CEP85L: variants seen among roughly 807,000 people sequenced by gnomAD.
The protein encoded by CEP85L is centrosomal protein 85L.
A neutral mutation model predicts 100.3 loss-of-function variants in CEP85L; 60 were observed. The ratio of observed to expected loss-of-function variants is 0.60; its 90% confidence interval spans 0.49 to 0.74. CEP85L has a LOEUF of 0.74. Among genes scored for constraint, CEP85L ranks in the 30% least tolerant of loss-of-function variants. CEP85L has a pLI of 0.00. For synonymous variants in CEP85L, 319 were observed against 322.7 expected (o/e 0.99, Z 0.12); for missense variants, 973 against 936.2 (o/e 1.04, Z -0.51).
At chr6:118,583,181 C>T (rs1182025696) in intron 2 of CEP85L, among the ~76,000 whole-genome samples, 1 of 152,188 alleles carries the variant, frequency 6.6e-6, no homozygotes, top group Non-Finnish European at 1.5e-5. Context: ...GATGGTCCAG[C>T]AGGACTGACG....
intron 3 of CEP85L, chr6:118,565,289 C>T (rs531063021): frequency 2.0e-6 from 1 of 508,032 alleles, no homozygotes; most frequent in South Asian, 2.8e-5. Context: ...GCCCATTTAA[C>T]AAATGAAAAG....
chr6:118,691,501 C>G (rs1448059213), intron 1 of CEP85L, among the ~76,000 whole-genome samples: 1 of 147,822 alleles, frequency 6.8e-6, no homozygotes, highest in East Asian at 2.0e-4. Context: ...GCATTGCACT[C>G]TAGCCTGGGC....
chr6:118,465,336 T>G lies in CEP85L; in HGVS notation c.*69A>C, dbSNP rs1302009887. 1 of 1,447,712 alleles carries G rather than the reference T, an allele frequency of 6.9e-7. No individual in the cohort carries two copies. The highest frequency in any genetic ancestry group is 9.3e-7 in the Non-Finnish European group (1 of 1,072,146). The allele number at this position is 1,447,712 out of a possible 1,614,324, so 89.7% of individuals were successfully genotyped here. ...GTGCAAGTCATGTCACTTGCAACCT[T>G]CCATTATGGCTCCATAACACAGCAG... is the stretch of plus-strand genomic sequence containing the variant. On this transcript the variant is annotated 3_prime_UTR_variant, in exon 13 of 13. Transcript: ENST00000368491.
chr6:118,559,427 T>C, intron 3 of CEP85L: 1 of 316,008 alleles, frequency 3.2e-6, no homozygotes, highest in South Asian at 3.3e-5. Context: ...ACTTCATATA[T>C]AAAGCATTAT....
intron 4 of CEP85L, among the ~76,000 whole-genome samples, chr6:118,513,152 G>A (rs1225684279): frequency 2.0e-5 from 3 of 151,876 alleles, no homozygotes; most frequent in Non-Finnish European, 2.9e-5. Context: ...AGAGAAAAAA[G>A]GACAAAGAAA....
At chr6:118,707,742 CAT>C (rs1164739585) in intron 1 of CEP85L, among the ~76,000 whole-genome samples, 5 of 151,994 alleles carry the variant, frequency 3.3e-5, no homozygotes, top group Non-Finnish European at 1.5e-5. Flanking sequence ...TATATTTAAA[CAT>C]GTGCAAACTT....
At chr6:118,480,989 CTTTCA>C (rs1347925082) in intron 8 of CEP85L, among the ~76,000 whole-genome samples, 4 of 151,658 alleles carry the variant, frequency 2.6e-5, no homozygotes, top group Admixed American at 6.6e-5. Context: ...TTGCATTTCT[CTTTCA>C]TTTCTTTTCT....
chr6:118,503,682 G>C (rs1775453035), intron 5 of CEP85L, among the ~76,000 whole-genome samples: 1 of 151,262 alleles, frequency 6.6e-6, no homozygotes. Context: ...GCAATACAGG[G>C]GAAAAAACAG....
rs1776677355 is a variant in CEP85L at position 118,681,964 on chromosome 6, T to C, written c.-28+28072A>G. 2.6e-5 allele frequency among the ~76,000 whole-genome samples: 4 copies of C among 152,230 alleles called. No individual in the cohort carries two copies. In the South Asian group the frequency reaches 8.3e-4, roughly 32 times the overall value. On this transcript the variant is annotated intron_variant, in intron 1 of 13. Coordinates refer to the CEP85L transcript ENST00000368488. ...CCATGTTGCCAGGCTGGTCTCAAACTCCTGACCTCAGGTGATCCACCTGCT... is the reference window on the plus strand; with the variant it reads ...CCATGTTGCCAGGCTGGTCTCAAACCCCTGACCTCAGGTGATCCACCTGCT...
In CEP85L at chr6:118,638,424, C is replaced by G. The variant is rs555060468; in HGVS notation, c.74-5813G>C. ...TCACAGTCTGAAAAGAATGACATGACTTGTCTTTAGACAAGTCAATCCAGA... is the reference window on the plus strand; with the variant it reads ...TCACAGTCTGAAAAGAATGACATGAGTTGTCTTTAGACAAGTCAATCCAGA... On this transcript the variant is annotated intron_variant, in intron 1 of 12. Transcript: ENST00000368491. Among the ~76,000 whole-genome samples, 5 of 151,920 alleles carry G rather than the reference C, an allele frequency of 3.3e-5. No homozygotes were observed. In the South Asian group the frequency reaches 1.0e-3, roughly 32 times the overall value.
At chr6:118,642,125 T>C (rs1774921961) in intron 1 of CEP85L, among the ~76,000 whole-genome samples, 1 of 152,226 alleles carries the variant, frequency 6.6e-6, no homozygotes, top group Non-Finnish European at 1.5e-5. Flanking sequence ...ATTTTTAAAG[T>C]ACATTTTAAA....
At chr6:118,602,466 A>C (rs761276939) in intron 2 of CEP85L, among the ~76,000 whole-genome samples, 1 of 152,160 alleles carries the variant, frequency 6.6e-6, no homozygotes, top group Non-Finnish European at 1.5e-5. Flanking sequence ...CCAGAATTAG[A>C]ATACTGATTC....
At chr6:118,658,434 G>A (rs1333315722) in intron 1 of CEP85L, among the ~76,000 whole-genome samples, 3 of 152,028 alleles carry the variant, frequency 2.0e-5, no homozygotes, top group Non-Finnish European at 4.4e-5. Context: ...ATATGGGAAG[G>A]CTTCTTTGTT....
chr6:118,514,441 C>T (rs1449776149), intron 4 of CEP85L, among the ~76,000 whole-genome samples: 1 of 148,230 alleles, frequency 6.7e-6, no homozygotes, highest in Non-Finnish European at 1.5e-5. Context: ...AGGAGAATGG[C>T]TTGAACCTGG....
At chr6:118,651,909 A>G, upstream of CEP85L, 1 of 985,578 alleles carries the variant, frequency 1.0e-6, no homozygotes, top group Non-Finnish European at 1.2e-6. Flanking sequence ...ACCTCTGTGA[A>G]GACACGTGGA....
At chr6:118,655,903 G>A (rs1192300079), upstream of CEP85L, among the ~76,000 whole-genome samples, 1 of 152,178 alleles carries the variant, frequency 6.6e-6, no homozygotes, top group Admixed American at 6.5e-5. Context: ...CCAAAGAGAA[G>A]TTAGGGAAGG....
At chr6:118,593,632 T>C (rs937106805) in intron 2 of CEP85L, among the ~76,000 whole-genome samples, 2 of 151,112 alleles carry the variant, frequency 1.3e-5, no homozygotes, top group African/African-American at 4.9e-5. Context: ...GGGAATACAA[T>C]TTGACATGAG....
chr6:118,516,230 T>C (rs1301477393), intron 4 of CEP85L, among the ~76,000 whole-genome samples: 1 of 152,226 alleles, frequency 6.6e-6, no homozygotes, highest in Non-Finnish European at 1.5e-5. Flanking sequence ...CATCTGTCTT[T>C]ATAGGAGAAT....
At chr6:118,598,147 T>G (rs546221784) in intron 2 of CEP85L, among the ~76,000 whole-genome samples, 1 of 152,344 alleles carries the variant, frequency 6.6e-6, no homozygotes, top group East Asian at 1.9e-4. Context: ...TTCTCAATCC[T>G]CATTCCCCAC....
Sources: gnomAD v4.1 joint callset for allele counts (sites outside exome capture counted in the v4.1 genomes callset) on GRCh38, gnomAD v4.1.1 for gene constraint, MANE v1.5 for transcripts, NCBI Gene and HGNC (gene_info 2026-07-23, HGNC 2026-07-21) for gene names.